The following CFAP53 variants were observed in gnomAD, a reference collection of about 807,000 sequenced individuals.
The protein encoded by CFAP53 is cilia and flagella associated protein 53.
CFAP53 carries 62 observed loss-of-function variants against 59.7 expected under a neutral mutation model. That is an observed-to-expected ratio of 1.04 (90% CI 0.85 to 1.28). CFAP53 has a LOEUF of 1.28. CFAP53 is among the 50% of genes most tolerant of loss of function. The probability of loss-of-function intolerance (pLI) is 0.00; values close to 1 mark genes in which losing one functional copy is unlikely to be tolerated. For missense variants in CFAP53, 629 were observed against 615.6 expected (o/e 1.02, Z -0.23); for synonymous variants, 218 against 205.7 (o/e 1.06, Z -0.51).
intron 3 of CFAP53, among the ~76,000 whole-genome samples, chr18:50,254,624 C>T (rs1168829766): frequency 6.6e-6 from 1 of 152,146 alleles, no homozygotes; most frequent in Non-Finnish European, 1.5e-5. Flanking sequence ...AGTGGTGGCT[C>T]ACGCCTGTAA....
At chr18:50,250,733 A>G in intron 5 of CFAP53, 25 bp downstream of exon 5, 2 of 1,572,724 alleles carry the variant, frequency 1.3e-6, no homozygotes, top group Non-Finnish European at 8.8e-7. Context: ...TCCAGCAGGT[A>G]GCAGGCACCA....
intron 6 of CFAP53, among the ~76,000 whole-genome samples, chr18:50,239,346 G>T (rs1790420): frequency 0.97 from 148,112 of 151,946 alleles, 72,285 homozygotes; most frequent in East Asian, 1. Context: ...AGAGTGAGAC[G>T]CCGTCTCAAT....
In CFAP53 at chr18:50,253,140, C is replaced by T. The variant is rs147826247; in HGVS notation, c.474-1356G>A. ...CACGCCATTCCCCGGCCTCAGCCTC[C>T]GGAGTAGCTGGGACCACAGGCGCCC... On this transcript the variant is annotated intron_variant, in intron 3 of 7. Coordinates refer to ENST00000398545, the MANE Select transcript of CFAP53 (RefSeq NM_145020.5). Among the ~76,000 whole-genome samples, 633 of 152,244 alleles carry T rather than the reference C, an allele frequency of 4.2e-3. 5 individuals are homozygous for T. The highest frequency in any genetic ancestry group is 0.014 in the African/African-American group (581 of 41,536).
At chr18:50,266,295 G>A (rs770978381) in intron 1 of CFAP53, 41 bp downstream of exon 1, 3 of 1,601,730 alleles carry the variant, frequency 1.9e-6, no homozygotes, top group South Asian at 1.1e-5. Flanking sequence ...GCGGAGAGAT[G>A]GAGAAAGCTG....
intron 5 of CFAP53, 86 bp downstream of exon 5, chr18:50,250,672 A>G (rs967831664): frequency 5.9e-6 from 6 of 1,021,378 alleles, no homozygotes; most frequent in African/African-American, 4.7e-5. Flanking sequence ...TAGCACTGCT[A>G]TATATTTGAA....
intron 1 of CFAP53, among the ~76,000 whole-genome samples, chr18:50,264,178 A>G (rs1444497847): frequency 2.0e-5 from 3 of 152,212 alleles, no homozygotes. Context: ...CTCAAATGCT[A>G]TGTGTGACTA....
At chr18:50,246,340 T>C (rs879377101) in intron 5 of CFAP53, among the ~76,000 whole-genome samples, 2 of 152,230 alleles carry the variant, frequency 1.3e-5, no homozygotes, top group African/African-American at 2.4e-5. Flanking sequence ...TAATTGATTT[T>C]TGACAAGGGT....
intron 5 of CFAP53, among the ~76,000 whole-genome samples, chr18:50,245,863 T>C (rs2033738921): frequency 6.6e-6 from 1 of 152,232 alleles, no homozygotes; most frequent in Non-Finnish European, 1.5e-5. Context: ...TCTCTCTTTT[T>C]TTTTTGAGAT....
chr18:50,265,699 T>A (rs1287246292), intron 1 of CFAP53, among the ~76,000 whole-genome samples: 1 of 152,214 alleles, frequency 6.6e-6, no homozygotes. Flanking sequence ...ACCAATAGTG[T>A]CTGAGGTTCT....
chr18:50,251,928 A>G, intron 3 of CFAP53, 144 bp from the exon 4 acceptor site: 1 of 731,898 alleles, frequency 1.4e-6, no homozygotes, highest in Non-Finnish European at 2.3e-6. Context: ...AACAAGAGGG[A>G]GCAGCAGGGA....
At chr18:50,246,853 C>T (rs2033749773) in intron 5 of CFAP53, among the ~76,000 whole-genome samples, 2 of 151,418 alleles carry the variant, frequency 1.3e-5, no homozygotes, top group Admixed American at 6.6e-5. Flanking sequence ...CAAGACCAGC[C>T]TGGCCAACAT....
At position 50,235,770 on chromosome 18, in the gene CFAP53, T is replaced by C. The variant is rs2033627432; in HGVS notation, c.1316+2833A>G. ...TTAGGCTGCAAATGCTGTTCCCCCA[T>C]GGTCCCACAGCCACCCTGCCCAATT... On this transcript the variant is annotated intron_variant, in intron 7 of 7. Coordinates refer to ENST00000398545, the MANE Select transcript of CFAP53 (RefSeq NM_145020.5). Among the ~76,000 whole-genome samples the C allele has an allele frequency of 2.0e-5, 3 of 152,188 alleles. No homozygotes were observed. The East Asian group carries it at 5.8e-4, about 29-fold the overall frequency.
intron 3 of CFAP53, among the ~76,000 whole-genome samples, chr18:50,252,334 G>C (rs2033809216): frequency 6.6e-6 from 1 of 152,072 alleles, no homozygotes; most frequent in East Asian, 1.9e-4. Context: ...TTGATCTCCT[G>C]ATCTTGTGAT....
At chr18:50,251,935 G>T in intron 3 of CFAP53, 151 bp from the exon 4 acceptor site, 2 of 707,288 alleles carry the variant, frequency 2.8e-6, no homozygotes, top group Non-Finnish European at 4.7e-6. Context: ...GGGAGCAGCA[G>T]GGAGGGCAAG....
intron 1 of CFAP53, among the ~76,000 whole-genome samples, chr18:50,263,825 T>C (rs1449489329): frequency 1.3e-5 from 2 of 152,068 alleles, no homozygotes; most frequent in Admixed American, 1.3e-4. Flanking sequence ...AGGTGACAAA[T>C]ACCATGAGCA....
intron 5 of CFAP53, among the ~76,000 whole-genome samples, chr18:50,243,733 C>T (rs1408514103): frequency 2.0e-5 from 3 of 151,972 alleles, no homozygotes; most frequent in Admixed American, 6.5e-5. Flanking sequence ...GGGTGGATCA[C>T]GAGGTCAGGA....
chr18:50,258,421 AC>A (rs2033863607), intron 3 of CFAP53, among the ~76,000 whole-genome samples: 1 of 152,178 alleles, frequency 6.6e-6, no homozygotes, highest in African/African-American at 2.4e-5. Context: ...ATGAAAATAG[AC>A]CCTATCTTTC....
In CFAP53 at chr18:50,250,814, C is replaced by T. The variant is rs376463544; in HGVS notation, c.940G>A (p.Val314Met). ...TGTAAGTCTTGAAGGGCCCTTTGCA[C>T]GAGCTTCATGTTCAAGTCCTGTTCG... ...RDEQDLNMKL[V>M]QRALQDLQEE... The change falls in exon 5 of 8, where the codon GTG becomes ATG. Residue 314 changes from valine to methionine, a missense_variant. Physicochemically the swap from Val to Met is conservative, Grantham distance 21. Transcript: ENST00000398545. 10 of 1,614,040 alleles carry T rather than the reference C, an allele frequency of 6.2e-6. No individual in the cohort carries two copies. Among genetic ancestry groups the T allele is most frequent in the South Asian group, 2.2e-5 (2 of 91,070 alleles).
In CFAP53 at chr18:50,262,103, C is replaced by G; in HGVS notation, c.186G>C (p.Leu62Phe). 1 of 1,614,230 alleles carries G rather than the reference C, an allele frequency of 6.2e-7. No homozygotes were observed. The highest frequency in any genetic ancestry group is 8.5e-7 in the Non-Finnish European group (1 of 1,180,034). ...CATTGTGCTGGTCCCACTCAGCTTT[C>G]AAGCGATCCCGCTCACTTGACTTAA... ...ASIKSSERDR[L>F]KAEWDQHNDC... The change falls in exon 2 of 8, where the codon TTG becomes TTC. Residue 62 changes from leucine to phenylalanine, a missense_variant. Coordinates refer to ENST00000398545, the MANE Select transcript of CFAP53 (RefSeq NM_145020.5).
Sources: gnomAD v4.1 joint callset for allele counts (sites outside exome capture counted in the v4.1 genomes callset) on GRCh38, gnomAD v4.1.1 for gene constraint, MANE v1.5 for transcripts, NCBI Gene and HGNC (gene_info 2026-07-23, HGNC 2026-07-21) for gene names.